STAT3: variants seen among roughly 807,000 people sequenced by gnomAD.
STAT3 encodes DNA-binding protein APRF.
A neutral mutation model predicts 114.3 loss-of-function variants in STAT3; 7 were observed. The ratio of observed to expected loss-of-function variants is 0.06; its 90% CI spans 0.03 to 0.11. The LOEUF is 0.11. Ranked by LOEUF, STAT3 falls within the 10% of genes least tolerant of loss-of-function variation. The pLI, the probability that STAT3 is intolerant of heterozygous loss-of-function variation, is 1.00. For synonymous variants in STAT3, 331 were observed against 354.5 expected (o/e 0.93, Z 0.74); for missense variants, 364 against 960.9 (o/e 0.38, Z 8.21).
In STAT3 at chr17:42,324,783, A is replaced by G. The variant is rs1281575473; in HGVS notation, c.1528T>C (p.Trp510Arg). 1 of 1,614,158 alleles carries G rather than the reference A, an allele frequency of 6.2e-7. No individual in the cohort carries two copies. Among genetic ancestry groups the G allele is most frequent in the South Asian group, 1.1e-5 (1 of 91,078 alleles). ...CGCTTGGTGGTGGAGGAGAACTGCC[A>G]GCTCAGGACCTCGGCCACTTGATCC... is the stretch of plus-strand genomic sequence containing the variant. ...TWDQVAEVLS[W>R]QFSSTTKRGL... is the part of the protein sequence containing the mutation. Residue 510 changes from tryptophan to arginine, a missense_variant, in exon 17 of 24, where the codon TGG becomes CGG. By Grantham distance (101) the Trp-to-Arg change is moderately radical (BLOSUM62 -3). This residue lies in a region of STAT3 where 294 missense variants were observed against 745.1 expected (regional missense o/e 0.39). Coordinates refer to ENST00000264657, the MANE Select transcript of STAT3 (RefSeq NM_139276.3). This position sits in a 1 kb window ranked among gnomAD's most constrained non-coding sequence, Gnocchi z 4.5.
At chr17:42,336,548 T>G (rs920420694) in intron 8 of STAT3, among the ~76,000 whole-genome samples, 2 of 152,008 alleles carry the variant, frequency 1.3e-5, no homozygotes, top group Non-Finnish European at 2.9e-5. Flanking sequence ...CAGTGAGCCA[T>G]GACTGCATAA....
intron 1 of STAT3, among the ~76,000 whole-genome samples, chr17:42,366,610 G>C (rs2083806177): frequency 7.2e-6 from 1 of 138,262 alleles, no homozygotes; most frequent in African/African-American, 2.7e-5. Context: ...GGCGGAGGTT[G>C]TAGTAAGCTG....
chr17:42,316,164 A>AGCC, intron 23 of STAT3: 1 of 947,400 alleles, frequency 1.1e-6, no homozygotes, highest in Non-Finnish European at 1.4e-6. Context: ...TGTGGCTGTC[A>AGCC]AAAGCCCACT....
chr17:42,372,589 C>T (rs2084212276), intron 1 of STAT3, among the ~76,000 whole-genome samples: 1 of 152,122 alleles, frequency 6.6e-6, no homozygotes, highest in South Asian at 2.1e-4. Context: ...GTTTCTAGGG[C>T]AGTAAAACTA....
At chr17:42,371,389 G>A (rs373218442) in intron 1 of STAT3, among the ~76,000 whole-genome samples, 1 of 151,996 alleles carries the variant, frequency 6.6e-6, no homozygotes, top group South Asian at 2.1e-4. Context: ...AGCCAAAACA[G>A]GCGGGGCACG....
At position 42,365,683 on chromosome 17, in the gene STAT3, T is replaced by A. The variant is rs188440624; in HGVS notation, c.-23-17144A>T. On this transcript the variant is annotated intron_variant, in intron 1 of 23. Transcript: ENST00000264657. ...TTTTGTTTTTTTTTTTGAGACGGAG[T>A]CTTGCTCTGTTGCCCAGGATGGAGT... is the stretch of plus-strand genomic sequence containing the variant. Among the ~76,000 whole-genome samples, 221 of 145,820 alleles carry A rather than the reference T, an allele frequency of 1.5e-3. 2 individuals are homozygous for A. The highest frequency in any genetic ancestry group is 0.011 in the Middle Eastern group (3 of 278).
At chr17:42,374,812 G>A (rs2084364895) in intron 1 of STAT3, among the ~76,000 whole-genome samples, 2 of 152,120 alleles carry the variant, frequency 1.3e-5, no homozygotes. Flanking sequence ...AAACTCCCAG[G>A]CTAGTAGCCA....
intron 21 of STAT3, 120 bp from the exon 22 acceptor site, chr17:42,317,344 TTGTC>T: frequency 8.2e-7 from 1 of 1,216,110 alleles, no homozygotes; most frequent in Non-Finnish European, 1.2e-6. Flanking sequence ...CATGCCAAGA[TTGTC>T]TGGAAAGCTC....
chr17:42,369,057 T>C (rs984568618), intron 1 of STAT3, among the ~76,000 whole-genome samples: 2 of 152,154 alleles, frequency 1.3e-5, no homozygotes, highest in South Asian at 2.1e-4. Flanking sequence ...GCTCCATCCA[T>C]GTTCCTGCAA....
At chr17:42,384,132 A>ATTTAG (rs1555581274) in intron 1 of STAT3, among the ~76,000 whole-genome samples, 4 of 134,970 alleles carry the variant, frequency 3.0e-5, no homozygotes, top group African/African-American at 8.4e-5. Context: ...TTATTTATTT[A>ATTTAG]TTTTTTTTTT....
intron 1 of STAT3, among the ~76,000 whole-genome samples, chr17:42,351,767 AT>A (rs1282035694): frequency 6.6e-6 from 1 of 151,604 alleles, no homozygotes; most frequent in Non-Finnish European, 1.5e-5. Flanking sequence ...CAACAATGTT[AT>A]TTTGTTGTTA....
intron 10 of STAT3, among the ~76,000 whole-genome samples, chr17:42,331,798 T>C (rs1159921760): frequency 6.6e-6 from 1 of 152,076 alleles, no homozygotes; most frequent in Non-Finnish European, 1.5e-5. Context: ...TGTGGTAGCA[T>C]GTACCTGTAG....
At chr17:42,345,317 T>G (rs2082646986) in intron 4 of STAT3, 1 of 494,258 alleles carries the variant, frequency 2.0e-6, no homozygotes, top group East Asian at 3.5e-5. Flanking sequence ...AAAACAAAAC[T>G]TTTAAACCAT....
chr17:42,375,535 AAAT>A (rs1230461560), intron 1 of STAT3, among the ~76,000 whole-genome samples: 1 of 152,200 alleles, frequency 6.6e-6, no homozygotes, highest in Non-Finnish European at 1.5e-5. Flanking sequence ...AATTTAAAAG[AAAT>A]AATAAGCAAA....
intron 2 of STAT3, 21 bp downstream of exon 2, chr17:42,348,368 A>C: frequency 6.2e-7 from 1 of 1,613,986 alleles, no homozygotes; most frequent in Non-Finnish European, 8.5e-7. Context: ...CAATTTGGAG[A>C]GTCACTTAAG....
Position 42,373,177 on chromosome 17 carries a change from T to C in STAT3, c.-24+15102A>G, listed in dbSNP as rs1598508824. Reference sequence around the variant, plus strand: ...CATCCTGGCTAACATAGTGAAACCCTGTCTCTATCAAACATACAAAAAATT... The same window carrying C: ...CATCCTGGCTAACATAGTGAAACCCCGTCTCTATCAAACATACAAAAAATT... On this transcript the variant is annotated intron_variant, in intron 1 of 23. Coordinates refer to ENST00000264657, the MANE Select transcript of STAT3 (RefSeq NM_139276.3). Among the ~76,000 whole-genome samples the C allele has an allele frequency of 3.3e-5, 5 of 152,094 alleles. No individual in the cohort carries two copies. The South Asian group carries it at 1.0e-3, about 32-fold the overall frequency.
At chr17:42,338,676 C>T in intron 6 of STAT3, 55 bp downstream of exon 6, 1 of 1,539,600 alleles carries the variant, frequency 6.5e-7, no homozygotes, top group South Asian at 1.1e-5. Flanking sequence ...AGTCTTTCAA[C>T]TCAACAACAC....
intron 21 of STAT3, among the ~76,000 whole-genome samples, chr17:42,321,114 C>CTTT (rs971943600): frequency 1.2e-4 from 13 of 110,136 alleles, no homozygotes; most frequent in Non-Finnish European, 2.3e-4. Context: ...ATTTCTCTCT[C>CTTT]TTTTTTTTTT....
chr17:42,345,263 C>A (rs1454062577), intron 4 of STAT3, among the ~76,000 whole-genome samples: 3 of 147,864 alleles, frequency 2.0e-5, no homozygotes, highest in Non-Finnish European at 4.5e-5. Flanking sequence ...AAAACTCTGT[C>A]TCAGAAAAAA....
Sources: gnomAD v4.1 joint callset for allele counts (sites outside exome capture counted in the v4.1 genomes callset) on GRCh38, gnomAD v4.1.1 for gene constraint, gnomAD v4.1.1 regional missense constraint, Gnocchi (gnomAD v3.1) non-coding constraint, MANE v1.5 for transcripts, NCBI Gene and HGNC (gene_info 2026-07-23, HGNC 2026-07-21) for gene names.